The following LNX1 variants were observed in gnomAD, a reference collection of about 807,000 sequenced individuals.
LNX1 encodes ligand of numb-protein X 1, also known as E3 ubiquitin-protein ligase LNX.
LNX1 carries 54 observed loss-of-function variants against 68.4 expected under a neutral mutation model. That is an observed-to-expected ratio of 0.79 (90% CI 0.63 to 0.99). The LOEUF (loss-of-function observed/expected upper bound fraction) is 0.99. LNX1 is among the 50% of genes least tolerant of loss of function. The probability of loss-of-function intolerance (pLI) is 0.00; values close to 1 mark genes in which losing one functional copy is unlikely to be tolerated. For synonymous variants in LNX1, 336 were observed against 350.0 expected, an observed-to-expected ratio of 0.96 and a Z score of 0.45; for missense variants, 906 against 926.4, an observed-to-expected ratio of 0.98 and a Z score of 0.29.
chr4:53,619,935 C>A (rs538864603), upstream of LNX1, among the ~76,000 whole-genome samples: 3 of 152,220 alleles, frequency 2.0e-5, no homozygotes, highest in African/African-American at 7.2e-5. Context: ...AGCTGGTGTT[C>A]TTACTAATTA....
chr4:53,520,398 C>T (rs971232352), intron 2 of LNX1, among the ~76,000 whole-genome samples: 22 of 152,106 alleles, frequency 1.4e-4, no homozygotes, highest in Non-Finnish European at 1.2e-4. Flanking sequence ...GAGGGATGGT[C>T]GAGGGCTTGG....
intron 1 of LNX1, among the ~76,000 whole-genome samples, chr4:53,643,789 A>G (rs1734777644): frequency 6.6e-6 from 1 of 152,238 alleles, no homozygotes; most frequent in South Asian, 2.1e-4. Flanking sequence ...AAATAACAAT[A>G]GGACTTTTCA....
chr4:53,491,377 C>G (rs1724666457), intron 6 of LNX1, among the ~76,000 whole-genome samples: 1 of 152,020 alleles, frequency 6.6e-6, no homozygotes, highest in Non-Finnish European at 1.5e-5. Flanking sequence ...AGCATATTTT[C>G]TCTTCTCATT....
chr4:53,622,241 G>A (rs1733909133), upstream of LNX1, among the ~76,000 whole-genome samples: 1 of 152,188 alleles, frequency 6.6e-6, no homozygotes, highest in African/African-American at 2.4e-5. Flanking sequence ...AGTGGATTTT[G>A]ATTAAGAAAT....
Position 53,464,903 on chromosome 4 carries a change from A to T in LNX1, c.1893-3310T>A, listed in dbSNP as rs1722550334. On this transcript the variant is annotated intron_variant, in intron 9 of 10. Coordinates refer to ENST00000263925, the MANE Select transcript of LNX1 (RefSeq NM_001126328.3). ...TTTAAATTATCTCTCAGTGACATGA[A>T]TTCTGAATTCATGAATTTCTTCTGT... Among the ~76,000 whole-genome samples the T allele has an allele frequency of 2.0e-5, 3 of 152,262 alleles. No individual in the cohort carries two copies. In the South Asian group the frequency reaches 6.2e-4, roughly 32 times the overall value.
intron 2 of LNX1, among the ~76,000 whole-genome samples, chr4:53,514,109 A>G (rs1286007259): frequency 6.6e-6 from 1 of 151,986 alleles, no homozygotes; most frequent in Non-Finnish European, 1.5e-5. Flanking sequence ...TTCTCTGACC[A>G]CCTGATTTAA....
At chr4:53,519,438 G>GTTTT (rs36120084) in intron 2 of LNX1, among the ~76,000 whole-genome samples, 1 of 128,572 alleles carries the variant, frequency 7.8e-6, no homozygotes, top group Non-Finnish European at 1.7e-5. Context: ...TTTGTTCAGT[G>GTTTT]TTTTTTTTTT....
chr4:53,472,695 A>C (rs1723302152), intron 9 of LNX1, among the ~76,000 whole-genome samples: 2 of 139,388 alleles, frequency 1.4e-5, no homozygotes, highest in South Asian at 2.3e-4. Flanking sequence ...CAAAAAAAAA[A>C]AAAACAAAAA....
intron 2 of LNX1, among the ~76,000 whole-genome samples, chr4:53,571,621 A>G (rs1731177114): frequency 6.6e-6 from 1 of 152,144 alleles, no homozygotes; most frequent in Admixed American, 6.6e-5. Context: ...GTCCACCGAG[A>G]TGTACGTTAG....
In LNX1 at chr4:53,469,862, C is replaced by G. The variant is rs1311743496; in HGVS notation, c.1892+6891G>C. ...AGGCAATAATTAATAGCTTACTAAC[C>G]AAAAAAAGTCCAGGACCAGATGGAT... On this transcript the variant is annotated intron_variant, in intron 9 of 10. Coordinates refer to ENST00000263925, the MANE Select transcript of LNX1 (RefSeq NM_001126328.3). Among the ~76,000 whole-genome samples the G allele has an allele frequency of 2.0e-5, 3 of 152,056 alleles. 1 individual carries two copies. Among genetic ancestry groups the G allele is most frequent in the African/African-American group, 7.2e-5 (3 of 41,484 alleles).
intron 1 of LNX1, among the ~76,000 whole-genome samples, chr4:53,586,259 C>T (rs893359914): frequency 2.6e-4 from 40 of 152,158 alleles, no homozygotes; most frequent in African/African-American, 9.2e-4. Flanking sequence ...TGTATTCATG[C>T]GAGTATGCAG....
chr4:53,600,795 A>G (rs1732968827), intron 2 of LNX1, among the ~76,000 whole-genome samples: 1 of 150,166 alleles, frequency 6.7e-6, no homozygotes, highest in African/African-American at 2.4e-5. Flanking sequence ...CAGTGGTGCA[A>G]TCTTGGCTCA....
At chr4:53,498,553 A>G in intron 5 of LNX1, 88 bp downstream of exon 5, 2 of 886,772 alleles carry the variant, frequency 2.3e-6, no homozygotes, top group Non-Finnish European at 3.7e-6. Context: ...CATTTCCCTC[A>G]TTCATCCATC....
intron 2 of LNX1, among the ~76,000 whole-genome samples, chr4:53,565,668 GAGA>G (rs1184015457): frequency 1.3e-5 from 2 of 152,116 alleles, no homozygotes; most frequent in Non-Finnish European, 2.9e-5. Flanking sequence ...GACGAGCTGA[GAGA>G]AGAAGGCTTC....
At chr4:53,611,087 T>C (rs1207065971) in intron 2 of LNX1, among the ~76,000 whole-genome samples, 1 of 152,110 alleles carries the variant, frequency 6.6e-6, no homozygotes, top group African/African-American at 2.4e-5. Flanking sequence ...GATATGATTG[T>C]AAACCTAGAA....
intron 1 of LNX1, among the ~76,000 whole-genome samples, chr4:53,580,372 C>T (rs1731759094): frequency 6.6e-6 from 1 of 152,182 alleles, no homozygotes; most frequent in East Asian, 1.9e-4. Context: ...TCTGCAAGCT[C>T]CCCAATTTAT....
At chr4:53,591,650 T>A, upstream of LNX1, 1 of 886,474 alleles carries the variant, frequency 1.1e-6, no homozygotes, top group Non-Finnish European at 1.4e-6. Flanking sequence ...GTCATTTACC[T>A]GAATACCTGC....
At chr4:53,500,944 C>G (rs1199790891) in intron 4 of LNX1, among the ~76,000 whole-genome samples, 2 of 152,154 alleles carry the variant, frequency 1.3e-5, no homozygotes, top group East Asian at 3.9e-4. Flanking sequence ...ACCATCTTTT[C>G]CAACAGATTT....
chr4:53,532,382 G>A lies in LNX1; in HGVS notation c.381-24155C>T, dbSNP rs556732060. Among the ~76,000 whole-genome samples, 665 of 152,254 alleles carry A rather than the reference G, an allele frequency of 4.4e-3. 9 individuals are homozygous for A. Among genetic ancestry groups the A allele is most frequent in the African/African-American group, 0.015 (631 of 41,536 alleles). The stretch of plus-strand genomic sequence containing the variant: ...CCCGGCTACTCGGGAGGCTGAGGCA[G>A]GAGAATCACTTGAATCTGGGAGGCA... On this transcript the variant is annotated intron_variant, in intron 2 of 10. Coordinates refer to ENST00000263925, the MANE Select transcript of LNX1 (RefSeq NM_001126328.3).
Sources: allele counts gnomAD v4.1 joint callset (sites outside exome capture counted in the v4.1 genomes callset), GRCh38; gene constraint gnomAD v4.1.1; transcripts MANE v1.5; gene names NCBI Gene and HGNC (gene_info 2026-07-23, HGNC 2026-07-21).